Variants in LARP1B observed in about 807,000 individuals in gnomAD.
The protein encoded by LARP1B is La ribonucleoprotein 1B.
Under a neutral mutation model 114.2 loss-of-function variants are expected in LARP1B, and 76 were observed. The observed-to-expected ratio is 0.67, with a 90% confidence interval of 0.55 to 0.81. The LOEUF is 0.81. Among genes scored for constraint, LARP1B ranks in the 30% least tolerant of loss-of-function variants. The pLI is 0.00. For synonymous variants in LARP1B, 345 were observed against 348.0 expected (o/e 0.99, Z 0.10); for missense variants, 1,014 against 1,075.8 (o/e 0.94, Z 0.80).
At chr4:128,150,438 A>G (rs1181637015) in intron 11 of LARP1B, among the ~76,000 whole-genome samples, 1 of 152,010 alleles carries the variant, frequency 6.6e-6, no homozygotes, top group East Asian at 1.9e-4. Context: ...TACTACAGGC[A>G]TGTGTTACCA....
At chr4:128,107,034 CA>C (rs1782360005) in intron 8 of LARP1B, 104 bp from the exon 9 acceptor site, 2 of 861,368 alleles carry the variant, frequency 2.3e-6, no homozygotes, top group Non-Finnish European at 3.6e-6. Flanking sequence ...ATCTTAACTG[CA>C]AATTAGTTTG....
At chr4:128,078,202 A>G (rs778704685) in intron 4 of LARP1B, among the ~76,000 whole-genome samples, 23 of 152,218 alleles carry the variant, frequency 1.5e-4, no homozygotes, top group Non-Finnish European at 2.4e-4. Context: ...TTAGAGGTAC[A>G]GTTGTAGATA....
At chr4:128,061,263 C>G (rs1342414242), upstream of LARP1B, 1 of 152,196 alleles carries the variant, frequency 6.6e-6, no homozygotes, top group East Asian at 1.9e-4. Flanking sequence ...GAGGCCCCGC[C>G]CCGTGCTCTC....
At chr4:128,182,403 C>G (rs1238683699) in intron 15 of LARP1B, among the ~76,000 whole-genome samples, 1 of 152,084 alleles carries the variant, frequency 6.6e-6, no homozygotes, top group Non-Finnish European at 1.5e-5. Context: ...AACCACCATG[C>G]CCAGCTACTA....
At chr4:128,139,215 A>G (rs981319324) in intron 11 of LARP1B, among the ~76,000 whole-genome samples, 29 of 152,330 alleles carry the variant, frequency 1.9e-4, no homozygotes, top group Admixed American at 4.6e-4. Flanking sequence ...ATCATTACAC[A>G]TTGTATACAG....
At chr4:128,094,021 T>TA (rs564413398) in intron 7 of LARP1B, among the ~76,000 whole-genome samples, 318 of 151,640 alleles carry the variant, frequency 2.1e-3, no homozygotes, top group African/African-American at 6.0e-3. Flanking sequence ...TTTTTTTTTT[T>TA]AAAAACATTT....
Position 128,210,065 on chromosome 4 carries a change from T to C in LARP1B, c.*12T>C. On this transcript the variant is annotated 3_prime_UTR_variant, in exon 20 of 20. Transcript: ENST00000326639. ...ACAATTCACATTAAACAGTGCTGCC[T>C]GTGTCCTGTGGTCTCAAGAAATGGT... is the stretch of plus-strand genomic sequence containing the variant. 1 of 1,613,874 alleles carries C rather than the reference T, an allele frequency of 6.2e-7. No homozygotes were observed. The highest frequency in any genetic ancestry group is 8.5e-7 in the Non-Finnish European group (1 of 1,179,758).
chr4:128,186,243 A>G (rs1481144003), intron 15 of LARP1B, among the ~76,000 whole-genome samples: 2 of 151,872 alleles, frequency 1.3e-5, no homozygotes, highest in African/African-American at 4.8e-5. Context: ...TTAAATCTGT[A>G]GAAGTTGCTG....
chr4:128,176,047 T>G (rs568640473), intron 12 of LARP1B, among the ~76,000 whole-genome samples: 10 of 150,118 alleles, frequency 6.7e-5, no homozygotes, highest in Non-Finnish European at 1.0e-4. Flanking sequence ...TTTTTCAGTA[T>G]ATGTTCATGT....
intron 7 of LARP1B, among the ~76,000 whole-genome samples, chr4:128,094,354 G>C (rs1668118405): frequency 6.6e-6 from 1 of 150,418 alleles, no homozygotes; most frequent in Admixed American, 6.6e-5. Context: ...CACTCTGATA[G>C]ATTTGTAGAT....
intron 11 of LARP1B, among the ~76,000 whole-genome samples, chr4:128,153,380 G>T (rs559801717): frequency 4.2e-4 from 63 of 150,484 alleles, no homozygotes; most frequent in South Asian, 1.9e-3. Flanking sequence ...GCAGTGGCGC[G>T]ATCTTGGCTC....
chr4:128,094,626 C>T (rs774258429), intron 7 of LARP1B, among the ~76,000 whole-genome samples: 17 of 151,754 alleles, frequency 1.1e-4, no homozygotes, highest in Non-Finnish European at 2.4e-4. Context: ...CATCTGGTCT[C>T]GAATGCCTGA....
intron 15 of LARP1B, among the ~76,000 whole-genome samples, chr4:128,187,371 A>G (rs1750720128): frequency 6.6e-6 from 1 of 152,258 alleles, no homozygotes; most frequent in South Asian, 2.1e-4. Flanking sequence ...CCTGGATGTA[A>G]CATATGGAGT....
At chr4:128,060,886 C>G (rs1331190011), upstream of LARP1B, among the ~76,000 whole-genome samples, 2 of 152,204 alleles carry the variant, frequency 1.3e-5, no homozygotes, top group Non-Finnish European at 2.9e-5. Context: ...GGGGTCGACA[C>G]CGCGTCCCCT....
chr4:128,129,164 C>CAAAAAAAAAAAAAAAAAAAAAAAAA (rs559312234), intron 11 of LARP1B, among the ~76,000 whole-genome samples: 2 of 49,142 alleles, frequency 4.1e-5, no homozygotes, highest in East Asian at 7.6e-4. Flanking sequence ...GACTCTGTCT[C>CAAAAAAAAAAAAAAAAAAAAAAAAA]AAAAAAAAAA....
intron 5 of LARP1B, among the ~76,000 whole-genome samples, chr4:128,089,274 A>G (rs1257793249): frequency 6.6e-6 from 1 of 152,200 alleles, no homozygotes; most frequent in Admixed American, 6.5e-5. Flanking sequence ...CATTAATTAG[A>G]TTATTCCAAG....
chr4:128,155,841 C>T, intron 11 of LARP1B: 3 of 1,567,108 alleles, frequency 1.9e-6, no homozygotes, highest in South Asian at 2.2e-5. Flanking sequence ...AGCGAGAGAT[C>T]GAGGAGCTGC....
At chr4:128,098,412 T>C (rs1778831544) in intron 8 of LARP1B, 82 bp downstream of exon 8, 3 of 1,181,828 alleles carry the variant, frequency 2.5e-6, no homozygotes, top group Middle Eastern at 2.0e-4. Context: ...AACAGAGTAC[T>C]AAAAACAGAC....
Position 128,107,301 on chromosome 4 carries a change from TG to T in LARP1B, c.977del (p.Cys326SerfsTer17), listed in dbSNP as rs1399284762. 1 of 1,614,176 alleles carries T rather than the reference TG, an allele frequency of 6.2e-7. No individual in the cohort carries two copies. The highest frequency in any genetic ancestry group is 1.7e-5 in the Admixed American group (1 of 60,024). ...AGAGTTTGTACCAGGCCAAGCCTTT[TG>T]CTCACATACAGGTAACATCTTTTCT... ...CPEFVPGQAF[C>X]SHTESAPNSP... On this transcript the variant is annotated frameshift_variant, in exon 9 of 20. Coordinates refer to ENST00000326639, the MANE Select transcript of LARP1B (RefSeq NM_018078.4). LOFTEE classifies it high-confidence loss of function.
Sources: allele counts gnomAD v4.1 joint callset (sites outside exome capture counted in the v4.1 genomes callset), GRCh38; gene constraint gnomAD v4.1.1; transcripts MANE v1.5; gene names NCBI Gene and HGNC (gene_info 2026-07-23, HGNC 2026-07-21).